Variants in KIF4A observed in about 807,000 individuals in gnomAD.
KIF4A encodes the protein chromosome-associated kinesin KIF4A.
Under a neutral mutation model 105.9 loss-of-function variants are expected in KIF4A, and 7 were observed. The observed-to-expected ratio is 0.07, with a 90% CI of 0.04 to 0.12. The LOEUF is 0.12. KIF4A is among the 10% of genes least tolerant of loss of function. The pLI is 1.00. For synonymous variants in KIF4A, 281 were observed against 331.3 expected, an observed-to-expected ratio of 0.85 and a Z score of 1.65; for missense variants, 558 against 929.2, an observed-to-expected ratio of 0.60 and a Z score of 5.19.
chrX:70,413,629 C>A (rs866430701), intron 28 of KIF4A, among the ~76,000 whole-genome samples: 29 of 75,785 alleles, frequency 3.8e-4, no homozygotes, highest in Admixed American at 4.9e-4. Flanking sequence ...GACTCCATCT[C>A]AAAAAAAAAA....
At chrX:70,374,280 T>C (rs1442393734) in intron 16 of KIF4A, 26 bp downstream of exon 16, 2 of 995,709 alleles carry the variant, frequency 2.0e-6, no homozygotes, top group Admixed American at 4.5e-5. Context: ...ATAAATGTTA[T>C]TTCAAGTCCC....
At chrX:70,385,954 C>T (rs776097876) in intron 18 of KIF4A, among the ~76,000 whole-genome samples, 1 of 111,264 alleles carries the variant, frequency 9.0e-6, no homozygotes, top group East Asian at 2.8e-4. Context: ...TTCTACTGAT[C>T]CCATCACCCA....
intron 23 of KIF4A, 118 bp downstream of exon 23, chrX:70,402,813 A>C: frequency 1.1e-6 from 1 of 883,830 alleles, no homozygotes; most frequent in Non-Finnish European, 1.6e-6. Context: ...CCCTAATAAC[A>C]CTAACATTAG....
chrX:70,395,226 A>G (rs2086254783), intron 20 of KIF4A, among the ~76,000 whole-genome samples: 1 of 112,555 alleles, frequency 8.9e-6, no homozygotes, highest in Admixed American at 9.4e-5. Context: ...AGCCTGGGCG[A>G]CAGAGCGACA....
intron 15 of KIF4A, among the ~76,000 whole-genome samples, chrX:70,371,731 G>A (rs2086135782): frequency 9.1e-6 from 1 of 109,437 alleles, no homozygotes; most frequent in Non-Finnish European, 1.9e-5. Flanking sequence ...CCCGGACGGG[G>A]CGGCTGCTGG....
chrX:70,306,282 A>G (rs1277256420), intron 7 of KIF4A, among the ~76,000 whole-genome samples: 2 of 111,670 alleles, frequency 1.8e-5, no homozygotes, highest in Admixed American at 1.9e-4. Flanking sequence ...GAAATTGGGA[A>G]GTGTGAGTCC....
intron 15 of KIF4A, among the ~76,000 whole-genome samples, chrX:70,373,059 CCCAGGAGTTTAAGA>C (rs762733936): frequency 1.8e-3 from 199 of 111,557 alleles, no homozygotes; most frequent in Middle Eastern, 0.014. Flanking sequence ...ATCGCTTGAG[CCCAGGAGTTTAAGA>C]CCAGCCTGGG....
Position 70,406,958 on chromosome X carries a change from T to C in KIF4A, c.3138T>C (p.Tyr1046=), listed in dbSNP as rs759179069. Residue 1046 remains tyrosine, a synonymous_variant, in exon 28 of 31, where the codon TAT becomes TAC. Coordinates refer to ENST00000374403, the MANE Select transcript of KIF4A (RefSeq NM_012310.5). ...EQSMDIEDLK[Y]CSEHSVNEHE... ...GCATGGACATCGAGGATCTAAAATATTGTTCAGAGCATTCTGTGAATGAGC... is the reference window on the plus strand; with the variant it reads ...GCATGGACATCGAGGATCTAAAATACTGTTCAGAGCATTCTGTGAATGAGC... 3 of 1,211,793 alleles carry C rather than the reference T, an allele frequency of 2.5e-6. No homozygotes were observed. Among genetic ancestry groups the C allele is most frequent in the Non-Finnish European group, 3.3e-6 (3 of 895,544 alleles).
At chrX:70,408,395 A>G (rs2086308813) in intron 28 of KIF4A, among the ~76,000 whole-genome samples, 1 of 111,995 alleles carries the variant, frequency 8.9e-6, no homozygotes, top group Non-Finnish European at 1.9e-5. Context: ...GAACAATCCG[A>G]CTTAGGCATG....
At chrX:70,369,189 C>T (rs1358267570) in intron 15 of KIF4A, among the ~76,000 whole-genome samples, 1 of 112,517 alleles carries the variant, frequency 8.9e-6, no homozygotes, top group Non-Finnish European at 1.9e-5. Flanking sequence ...GTGACCCCTT[C>T]CGCTTCCTGG....
chrX:70,383,082 G>A (rs2086203924), intron 18 of KIF4A, among the ~76,000 whole-genome samples: 1 of 109,572 alleles, frequency 9.1e-6, no homozygotes, highest in South Asian at 4.0e-4. Flanking sequence ...AGCTACTGGG[G>A]AGGCTGAGGT....
intron 7 of KIF4A, among the ~76,000 whole-genome samples, chrX:70,320,683 G>A (rs936538703): frequency 2.7e-5 from 3 of 112,045 alleles, no homozygotes; most frequent in African/African-American, 9.7e-5. Flanking sequence ...GGGTGTGGGA[G>A]TGGAGGCCGA....
chrX:70,376,022 A>G (rs775487555), intron 17 of KIF4A, 78 bp from the exon 18 acceptor site: 24 of 632,376 alleles, frequency 3.8e-5, no homozygotes, highest in Admixed American at 3.4e-4. Flanking sequence ...TCTCTTCTTA[A>G]TGGTAAGTCT....
chrX:70,322,279 T>TCCTCC (rs890250466), intron 7 of KIF4A, among the ~76,000 whole-genome samples: 2 of 109,719 alleles, frequency 1.8e-5, no homozygotes, highest in African/African-American at 6.6e-5. Flanking sequence ...AGCCCCTCAT[T>TCCTCC]CCTCCCTGTT....
intron 22 of KIF4A, among the ~76,000 whole-genome samples, chrX:70,399,942 TATA>T (rs1336521009): frequency 2.0e-5 from 2 of 102,081 alleles, no homozygotes; most frequent in African/African-American, 7.1e-5. Context: ...AAACTTAAAG[TATA>T]ATAATAATAA....
chrX:70,371,437 C>T (rs1473324747), intron 15 of KIF4A, among the ~76,000 whole-genome samples: 3 of 111,912 alleles, frequency 2.7e-5, no homozygotes, highest in Non-Finnish European at 3.8e-5. Flanking sequence ...TCCCCCCGCT[C>T]TATTCCACAA....
At chrX:70,292,475 G>T (rs1229055665) in intron 3 of KIF4A, among the ~76,000 whole-genome samples, 2 of 112,201 alleles carry the variant, frequency 1.8e-5, no homozygotes, top group African/African-American at 6.5e-5. Flanking sequence ...TTCAGGTTGT[G>T]TATCTTTTAG....
intron 9 of KIF4A, among the ~76,000 whole-genome samples, chrX:70,332,686 A>G (rs1282740540): frequency 2.7e-5 from 3 of 110,975 alleles, no homozygotes. Flanking sequence ...GAGAAATTGA[A>G]AATATAGAAG....
intron 28 of KIF4A, among the ~76,000 whole-genome samples, chrX:70,413,236 A>G (rs1383471265): frequency 8.9e-6 from 1 of 112,449 alleles, no homozygotes; most frequent in East Asian, 2.8e-4. Context: ...GGAGAGACAC[A>G]TGGTAACCAG....
Sources: gnomAD v4.1 joint callset for allele counts (sites outside exome capture counted in the v4.1 genomes callset) on GRCh38, gnomAD v4.1.1 for gene constraint, MANE v1.5 for transcripts, NCBI Gene and HGNC (gene_info 2026-07-23, HGNC 2026-07-21) for gene names.